The following STXBP4 variants were observed in gnomAD, a reference collection of about 807,000 sequenced individuals.
STXBP4 encodes syntaxin binding protein 4.
STXBP4 carries 55 observed loss-of-function variants against 76.1 expected under a neutral mutation model. That is an observed-to-expected ratio of 0.72 (90% CI 0.58 to 0.91). STXBP4 has a LOEUF of 0.91. Ranked by LOEUF, STXBP4 falls within the 40% of genes least tolerant of loss-of-function variation. The probability of loss-of-function intolerance (pLI) is 0.00; values close to 1 mark genes in which losing one functional copy is unlikely to be tolerated. For synonymous variants in STXBP4, 201 were observed against 220.2 expected (o/e 0.91, Z 0.77); for missense variants, 618 against 636.9 (o/e 0.97, Z 0.32).
intron 1 of STXBP4, among the ~76,000 whole-genome samples, chr17:54,976,588 G>A (rs958204087): frequency 4.6e-5 from 7 of 152,146 alleles, no homozygotes; most frequent in South Asian, 2.1e-4. Flanking sequence ...ACTAGTAGCC[G>A]TCCATGGCCT....
At chr17:54,976,093 G>A (rs1486572099) in intron 1 of STXBP4, among the ~76,000 whole-genome samples, 2 of 152,120 alleles carry the variant, frequency 1.3e-5, no homozygotes, top group South Asian at 2.1e-4. Context: ...CATGCCCTTA[G>A]TGTTGTACCT....
intron 16 of STXBP4, among the ~76,000 whole-genome samples, chr17:55,122,319 A>G (rs1424950449): frequency 6.6e-6 from 1 of 152,236 alleles, no homozygotes; most frequent in Non-Finnish European, 1.5e-5. Flanking sequence ...GGTACAAACC[A>G]CAGAAGTACC....
intron 12 of STXBP4, among the ~76,000 whole-genome samples, chr17:55,050,740 T>C (rs939804430): frequency 2.6e-5 from 4 of 152,182 alleles, no homozygotes; most frequent in Non-Finnish European, 5.9e-5. Context: ...CGATCTCAGC[T>C]CACTGCAACC....
intron 9 of STXBP4, among the ~76,000 whole-genome samples, chr17:55,032,323 C>T (rs1053961531): frequency 6.6e-6 from 1 of 151,838 alleles, no homozygotes; most frequent in Admixed American, 6.6e-5. Flanking sequence ...AAAATCATCC[C>T]AAAATAATAA....
At chr17:55,202,095 G>GACACAC in the STXBP4 span, among the ~76,000 whole-genome samples, 263 of 149,324 alleles carry the variant, frequency 1.8e-3, no homozygotes, top group Middle Eastern at 3.4e-3. Flanking sequence ...GTAGATATGG[G>GACACAC]ACACACACAC....
intron 16 of STXBP4, among the ~76,000 whole-genome samples, chr17:55,122,035 A>G (rs1326252532): frequency 1.3e-5 from 2 of 152,122 alleles, no homozygotes; most frequent in African/African-American, 4.8e-5. Flanking sequence ...TTGTTTTCCC[A>G]GCTACTTGGG....
At position 54,999,568 on chromosome 17, in the gene STXBP4, A is replaced by G. The variant is rs552729821; in HGVS notation, c.288-64A>G. 15 of 1,493,722 alleles carry G rather than the reference A, an allele frequency of 1.0e-5. No individual in the cohort carries two copies. In the South Asian group the frequency reaches 1.8e-4, roughly 18 times the overall value. The allele number at this position is 1,493,722 out of a possible 1,614,324, so 92.5% of individuals were successfully genotyped here. A position where few individuals can be genotyped will look rare whatever the true frequency, so the allele number is the denominator to read the frequency against. On this transcript the variant is annotated intron_variant, in intron 5 of 17. Coordinates refer to ENST00000376352, the MANE Select transcript of STXBP4 (RefSeq NM_178509.6). ...ATTTTTTAATAACATCTGAAACATT[A>G]TCTTGGATTTCAGTTGTACTATATT... is the stretch of plus-strand genomic sequence containing the variant.
chr17:55,171,481 A>G lies in STXBP4; in HGVS notation c.*11570A>G, dbSNP rs2080405789. The G allele has an allele frequency of 6.6e-6, 1 of 152,232 alleles. No homozygotes were observed. Among genetic ancestry groups the G allele is most frequent in the South Asian group, 2.1e-4 (1 of 4,832 alleles). 9.4% of individuals were successfully genotyped at this position (152,232 alleles called of 1,614,324 possible). ...CAAGATTATTGATTTATCTATAAGG[A>G]ATAATCTGTGAATTAACCTTCTGTA... On this transcript the variant is annotated 3_prime_UTR_variant, in exon 18 of 18. Coordinates refer to ENST00000376352, the MANE Select transcript of STXBP4 (RefSeq NM_178509.6).
At chr17:54,982,277 T>C (rs2077561165) in intron 1 of STXBP4, among the ~76,000 whole-genome samples, 1 of 152,184 alleles carries the variant, frequency 6.6e-6, no homozygotes, top group Admixed American at 6.5e-5. Flanking sequence ...TCAAACACCA[T>C]ATGCGTTATG....
intron 16 of STXBP4, among the ~76,000 whole-genome samples, chr17:55,081,486 G>A (rs921431649): frequency 2.6e-5 from 4 of 152,122 alleles, no homozygotes; most frequent in African/African-American, 9.7e-5. Flanking sequence ...TCAGCATTGA[G>A]GAACTTGTTG....
intron 7 of STXBP4, among the ~76,000 whole-genome samples, chr17:55,005,748 G>C (rs1228318482): frequency 6.6e-6 from 1 of 152,102 alleles, no homozygotes; most frequent in Non-Finnish European, 1.5e-5. Context: ...GTGTTAATGT[G>C]CCTTAATTGC....
In STXBP4 at chr17:55,029,972, TA is replaced by T. The variant is rs367552548; in HGVS notation, c.667-1195del. 4.5e-3 allele frequency among the ~76,000 whole-genome samples: 681 copies of T among 152,264 alleles called. 3 individuals carry two copies. Among genetic ancestry groups the T allele is most frequent in the African/African-American group, 0.015 (619 of 41,558 alleles). ...GAGGAAGAAATATGTAAGAGATAAT[TA>T]CCAATACTAAACTTTGCCTACATTT... On this transcript the variant is annotated intron_variant, in intron 8 of 17. Coordinates refer to ENST00000376352, the MANE Select transcript of STXBP4 (RefSeq NM_178509.6).
chr17:55,028,397 T>A (rs1305856654), intron 8 of STXBP4, among the ~76,000 whole-genome samples: 1 of 152,174 alleles, frequency 6.6e-6, no homozygotes, highest in Non-Finnish European at 1.5e-5. Context: ...AATATATTGA[T>A]AATTATTAAC....
chr17:55,187,841 C>A, the STXBP4 span, among the ~76,000 whole-genome samples: 1 of 152,176 alleles, frequency 6.6e-6, no homozygotes, highest in Non-Finnish European at 1.5e-5. Flanking sequence ...ATCTTTAGGG[C>A]AGGCAGACAT....
Position 54,969,526 on chromosome 17 carries a change from C to T in STXBP4, c.-157+711C>T, listed in dbSNP as rs959617666. Among the ~76,000 whole-genome samples, 5 of 152,272 alleles carry T rather than the reference C, an allele frequency of 3.3e-5. No individual in the cohort carries two copies. The South Asian group carries it at 6.2e-4, about 19-fold the overall frequency. On this transcript the variant is annotated intron_variant, in intron 1 of 17. Coordinates refer to ENST00000376352, the MANE Select transcript of STXBP4 (RefSeq NM_178509.6). ...TAGGTCAGTTACTTGTCCTCTAAGA[C>T]CTGGTGTCCTTACTTGTAAAATGGA...
At chr17:55,188,041 T>C in the STXBP4 span, among the ~76,000 whole-genome samples, 1 of 152,202 alleles carries the variant, frequency 6.6e-6, no homozygotes, top group African/African-American at 2.4e-5. Flanking sequence ...AAACTGCACC[T>C]TAGAGAGGTT....
chr17:55,007,060 G>A (rs982704089), intron 7 of STXBP4, among the ~76,000 whole-genome samples: 18 of 152,038 alleles, frequency 1.2e-4, no homozygotes, highest in Non-Finnish European at 2.1e-4. Context: ...AAAACTTGCC[G>A]GGTGTGGTGG....
At position 55,069,088 on chromosome 17, in the gene STXBP4, G is replaced by A. The variant is rs79245083; in HGVS notation, c.1012-3812G>A. On this transcript the variant is annotated intron_variant, in intron 12 of 17. Transcript: ENST00000376352. ...CTCTTTGAAGTTTCATTATGTAATCGTGAGGCAGAAAAACCTCATTTTATA... is the reference window on the plus strand; with the variant it reads ...CTCTTTGAAGTTTCATTATGTAATCATGAGGCAGAAAAACCTCATTTTATA... Among the ~76,000 whole-genome samples, 482 of 149,956 alleles carry A rather than the reference G, an allele frequency of 3.2e-3. 12 individuals carry two copies. Among genetic ancestry groups the A allele is most frequent in the East Asian group, 0.025 (129 of 5,104 alleles).
intron 17 of STXBP4, among the ~76,000 whole-genome samples, chr17:55,149,150 T>C (rs2080188291): frequency 6.6e-6 from 1 of 152,222 alleles, no homozygotes; most frequent in Non-Finnish European, 1.5e-5. Context: ...CCCAAATACT[T>C]CTTAGCTATG....
Sources: allele counts gnomAD v4.1 joint callset (sites outside exome capture counted in the v4.1 genomes callset), GRCh38; gene constraint gnomAD v4.1.1; transcripts MANE v1.5; gene names NCBI Gene and HGNC (gene_info 2026-07-23, HGNC 2026-07-21).